The following MAD1L1 variants were observed in gnomAD, a reference collection of about 807,000 sequenced individuals.
The protein encoded by MAD1L1 is mitotic spindle assembly checkpoint protein MAD1.
MAD1L1 carries 95 observed loss-of-function variants against 96.9 expected under a neutral mutation model. The ratio of observed to expected loss-of-function variants is 0.98; its 90% CI spans 0.83 to 1.16. MAD1L1 has a LOEUF of 1.16. Ranked by LOEUF, MAD1L1 falls within the 50% of genes most tolerant of loss-of-function variation. The pLI, the probability that MAD1L1 is intolerant of heterozygous loss-of-function variation, is 0.00. For missense variants in MAD1L1, 1,007 were observed against 954.4 expected, an observed-to-expected ratio of 1.06 and a Z score of -0.73; for synonymous variants, 473 against 396.6, an observed-to-expected ratio of 1.19 and a Z score of -2.29.
rs1781819120 is a variant in MAD1L1 at position 2,002,012 on chromosome 7, C to G, written c.1416+53G>C. ...GCTTATGGGGACAGGCGTCCCTGCC[C>G]AGACCCAGGGTCCAGGTGCCCTGAA... On this transcript the variant is annotated intron_variant, in intron 14 of 18. Transcript: ENST00000265854. The G allele has an allele frequency of 1.5e-5, 24 of 1,596,198 alleles. No homozygotes were observed. The South Asian group carries it at 1.5e-4, about 10-fold the overall frequency.
chr7:1,816,880 G>C (rs191346352), intron 18 of MAD1L1: 2 of 151,928 alleles, frequency 1.3e-5, no homozygotes, highest in Admixed American at 6.6e-5. Flanking sequence ...GCCCCCGAGA[G>C]CCAGCCCCAC....
rs147540524 is a variant in MAD1L1 at position 2,199,635 on chromosome 7, C to T, written c.986+13577G>A. On this transcript the variant is annotated intron_variant, in intron 10 of 18. Coordinates refer to ENST00000265854, the MANE Select transcript of MAD1L1 (RefSeq NM_001013836.2). ...CGCCCCCGCAGTGCCCCGCCTGGCA[C>T]GGGCAGGGGTGCCTCCCAGACAACG... is the stretch of plus-strand genomic sequence containing the variant. Among the ~76,000 whole-genome samples the T allele has an allele frequency of 8.1e-4, 124 of 152,382 alleles. 1 individual carries two copies. Among genetic ancestry groups the T allele is most frequent in the African/African-American group, 2.8e-3 (115 of 41,598 alleles).
At chr7:1,974,759 G>A (rs1371119669) in intron 15 of MAD1L1, among the ~76,000 whole-genome samples, 3 of 152,272 alleles carry the variant, frequency 2.0e-5, no homozygotes, top group African/African-American at 7.2e-5. Flanking sequence ...AAGAGCGGAA[G>A]GGCGTGAGAC....
chr7:1,887,789 GTGCATGTA>G, intron 18 of MAD1L1, among the ~76,000 whole-genome samples: 1 of 138,482 alleles, frequency 7.2e-6, no homozygotes, highest in East Asian at 2.2e-4. Flanking sequence ...GTGTGCATGT[GTGCATGTA>G]TGTGGCTGCC....
intron 5 of MAD1L1, 42 bp downstream of exon 5, chr7:2,222,533 C>CCAG: frequency 6.6e-7 from 1 of 1,505,424 alleles, no homozygotes; most frequent in Non-Finnish European, 8.9e-7. Context: ...CACTCCCTCT[C>CCAG]CTCGGGAAAA....
intron 10 of MAD1L1, among the ~76,000 whole-genome samples, chr7:2,171,280 C>A (rs946759986): frequency 4.6e-5 from 7 of 152,244 alleles, no homozygotes; most frequent in Non-Finnish European, 8.8e-5. Flanking sequence ...CCTGAGGCCA[C>A]ACAACCAAAG....
chr7:1,967,201 G>A (rs1780204331), intron 15 of MAD1L1, among the ~76,000 whole-genome samples: 1 of 152,178 alleles, frequency 6.6e-6, no homozygotes, highest in African/African-American at 2.4e-5. Flanking sequence ...TTCTCAGTAG[G>A]CAGTGATAAG....
chr7:2,018,779 C>T (rs1260408107), intron 12 of MAD1L1, among the ~76,000 whole-genome samples: 3 of 152,196 alleles, frequency 2.0e-5, no homozygotes, highest in South Asian at 2.1e-4. Context: ...CACCCACTCC[C>T]GCCCGGCCTC....
chr7:1,959,729 T>C (rs1779873926), intron 15 of MAD1L1, among the ~76,000 whole-genome samples: 2 of 152,164 alleles, frequency 1.3e-5, no homozygotes, highest in Non-Finnish European at 2.9e-5. Context: ...TAAAGATGCC[T>C]TCAGATCAGA....
rs561635534 is a variant in MAD1L1 at position 2,157,591 on chromosome 7, C to A, written c.987-8353G>T. Among the ~76,000 whole-genome samples, 153 of 152,226 alleles carry A rather than the reference C, an allele frequency of 1.0e-3. 1 individual carries two copies. Among genetic ancestry groups the A allele is most frequent in the African/African-American group, 3.4e-3 (140 of 41,522 alleles). ...CTGAAAGAGGAGGGCAGACACCTCC[C>A]GAGAAGCCCTGGGACTCAGGAACCC... On this transcript the variant is annotated intron_variant, in intron 10 of 18. Coordinates refer to ENST00000265854, the MANE Select transcript of MAD1L1 (RefSeq NM_001013836.2).
intron 17 of MAD1L1, among the ~76,000 whole-genome samples, chr7:1,922,178 C>A (rs28728306): frequency 0.15 from 23,231 of 152,236 alleles, 2,165 homozygotes; most frequent in South Asian, 0.27. Flanking sequence ...CATCACCAGC[C>A]CAGCGGCGAG....
chr7:1,854,150 G>A (rs1472750136), intron 18 of MAD1L1, among the ~76,000 whole-genome samples: 1 of 152,036 alleles, frequency 6.6e-6, no homozygotes, highest in African/African-American at 2.4e-5. Flanking sequence ...CTGCCCCTGG[G>A]GCACCTCCAC....
At chr7:2,080,978 A>G (rs1785612688) in intron 11 of MAD1L1, among the ~76,000 whole-genome samples, 1 of 152,136 alleles carries the variant, frequency 6.6e-6, no homozygotes, top group Non-Finnish European at 1.5e-5. Flanking sequence ...GCTGCCTCTC[A>G]GCATGCCCAA....
chr7:1,871,675 C>A (rs914072116), intron 18 of MAD1L1, among the ~76,000 whole-genome samples: 1 of 151,510 alleles, frequency 6.6e-6, no homozygotes, highest in African/African-American at 2.4e-5. Context: ...CATACGCCTG[C>A]CACGCTGAAC....
intron 10 of MAD1L1, among the ~76,000 whole-genome samples, chr7:2,155,931 A>T (rs1334919331): frequency 6.6e-6 from 1 of 152,046 alleles, no homozygotes; most frequent in Non-Finnish European, 1.5e-5. Flanking sequence ...TTTTTAATTT[A>T]AAAAAAAGCT....
chr7:2,108,817 G>A (rs1787226420), intron 11 of MAD1L1, among the ~76,000 whole-genome samples: 2 of 152,346 alleles, frequency 1.3e-5, no homozygotes, highest in East Asian at 3.9e-4. Context: ...GACGCGGCAG[G>A]AGCGGCTGTC....
At chr7:1,914,809 C>G (rs1788269801) in intron 17 of MAD1L1, among the ~76,000 whole-genome samples, 1 of 151,766 alleles carries the variant, frequency 6.6e-6, no homozygotes. Context: ...TAAATAGGGT[C>G]TTGCTATGCT....
rs143123100 is a variant in MAD1L1 at position 2,142,117 on chromosome 7, T to A, written c.1073+7035A>T. On this transcript the variant is annotated intron_variant, in intron 11 of 18. Transcript: ENST00000265854. This position sits in a 1 kb window ranked among gnomAD's most constrained non-coding sequence, Gnocchi z 4.7. Reference sequence around the variant, plus strand: ...CCCAGGCACAGGGATGTCCCTCACATTTCCCCAAAAACCCGCTCACTGGGG... The same window carrying A: ...CCCAGGCACAGGGATGTCCCTCACAATTCCCCAAAAACCCGCTCACTGGGG... Among the ~76,000 whole-genome samples, 4 of 152,256 alleles carry A rather than the reference T, an allele frequency of 2.6e-5. No individual in the cohort carries two copies. Among genetic ancestry groups the A allele is most frequent in the South Asian group, 4.1e-4 (2 of 4,824 alleles).
rs6960547 is a variant in MAD1L1 at position 2,119,468 on chromosome 7, C to T, written c.1073+29684G>A. On this transcript the variant is annotated intron_variant, in intron 11 of 18. Coordinates refer to ENST00000265854, the MANE Select transcript of MAD1L1 (RefSeq NM_001013836.2). This position sits in a 1 kb window ranked among gnomAD's most constrained non-coding sequence, Gnocchi z 4.6. ...CTCTCTGTAGCTGGCCAAAGCTGGA[C>T]GACGCCACAAGAGCAGCTCTTTACA... Among the ~76,000 whole-genome samples the T allele has an allele frequency of 8.1e-4, 124 of 152,240 alleles. No individual in the cohort carries two copies. The highest frequency in any genetic ancestry group is 2.6e-3 in the African/African-American group (109 of 41,540).
Sources: gnomAD v4.1 joint callset for allele counts (sites outside exome capture counted in the v4.1 genomes callset) on GRCh38, gnomAD v4.1.1 for gene constraint, Gnocchi (gnomAD v3.1) non-coding constraint, MANE v1.5 for transcripts, NCBI Gene and HGNC (gene_info 2026-07-23, HGNC 2026-07-21) for gene names.